The following DENND1A variants were observed in gnomAD, a reference collection of about 807,000 sequenced individuals.
DENND1A encodes DENN domain-containing protein 1A.
DENND1A carries 51 observed loss-of-function variants against 113.7 expected under a neutral mutation model. The observed-to-expected ratio is 0.45, with a 90% confidence interval of 0.36 to 0.57. The LOEUF is 0.57. Among genes scored for constraint, DENND1A ranks in the 20% least tolerant of loss-of-function variants. DENND1A has a pLI of 0.00. For missense variants in DENND1A, 1,258 were observed against 1,395.9 expected (o/e 0.90, Z 1.57); for synonymous variants, 565 against 570.8 (o/e 0.99, Z 0.14).
chr9:123,684,710 T>G (rs991816935), intron 5 of DENND1A, among the ~76,000 whole-genome samples: 1 of 152,178 alleles, frequency 6.6e-6, no homozygotes, highest in African/African-American at 2.4e-5. Flanking sequence ...CATCACACAT[T>G]TCTAGATGAT....
intron 13 of DENND1A, among the ~76,000 whole-genome samples, chr9:123,463,209 G>A (rs1416264786): frequency 6.6e-6 from 1 of 152,182 alleles, no homozygotes; most frequent in Non-Finnish European, 1.5e-5. Flanking sequence ...TTCCAAGTAT[G>A]ACCTGAAGGA....
chr9:123,554,785 C>T (rs1460014182), intron 13 of DENND1A, among the ~76,000 whole-genome samples: 4 of 152,200 alleles, frequency 2.6e-5, no homozygotes, highest in Admixed American at 1.3e-4. Context: ...ATTGGCACCA[C>T]TCTTTTCCCT....
chr9:123,385,480 A>T (rs1472428107), intron 22 of DENND1A, among the ~76,000 whole-genome samples: 1 of 152,062 alleles, frequency 6.6e-6, no homozygotes, highest in Non-Finnish European at 1.5e-5. Context: ...ACCTCTTCTA[A>T]CCCCAAGTCT....
At chr9:123,525,009 C>A (rs566034438) in intron 13 of DENND1A, among the ~76,000 whole-genome samples, 1 of 152,210 alleles carries the variant, frequency 6.6e-6, no homozygotes, top group Admixed American at 6.5e-5. Context: ...TACCTCTTAT[C>A]GCTAAGGCGT....
In DENND1A at chr9:123,930,077, G is replaced by A. The variant is rs930356630; in HGVS notation, c.-172C>T. ...CTCGCCGCCGCCGCCGCCTCCAGGG[G>A]TTAATGTACTCGCTCCAGCCCGGCG... is the stretch of plus-strand genomic sequence containing the variant. On this transcript the variant is annotated 5_prime_UTR_variant, in exon 1 of 24. Coordinates refer to ENST00000394215, the MANE Select transcript of DENND1A (RefSeq NM_001352964.2). 14 of 207,822 alleles carry A rather than the reference G, an allele frequency of 6.7e-5. No individual in the cohort carries two copies. The highest frequency in any genetic ancestry group is 1.0e-4 in the Non-Finnish European group (11 of 105,640). The allele number at this position is 207,822 out of a possible 1,614,324, so 12.9% of individuals were successfully genotyped here.
chr9:123,689,791 G>A (rs1589677837), intron 5 of DENND1A, among the ~76,000 whole-genome samples: 1 of 151,864 alleles, frequency 6.6e-6, no homozygotes, highest in South Asian at 2.1e-4. Context: ...GCAACATGGG[G>A]AAACCCTGTC....
rs569741311 is a variant in DENND1A at position 123,723,502 on chromosome 9, G to T, written c.302+34201C>A. ...TCCCACCCAAATCTCATCTTTAACT[G>T]TAACTCCCACAGTTCCCATGTGTCA... is the stretch of plus-strand genomic sequence containing the variant. On this transcript the variant is annotated intron_variant, in intron 5 of 23. Transcript: ENST00000394215. 1.0e-3 allele frequency among the ~76,000 whole-genome samples: 153 copies of T among 152,268 alleles called. 1 individual carries two copies. Among genetic ancestry groups the T allele is most frequent in the African/African-American group, 3.5e-3 (147 of 41,552 alleles).
chr9:123,929,958 C>A lies in DENND1A; in HGVS notation c.-53G>T, dbSNP rs1181956455. On this transcript the variant is annotated 5_prime_UTR_variant, in exon 1 of 24. Coordinates refer to ENST00000394215, the MANE Select transcript of DENND1A (RefSeq NM_001352964.2). ...GGGCCCCGCTCGGCGCTGCGCTGCC[C>A]GCCCGCCCGCGGCCGACCGGCCTCC... 8 of 297,978 alleles carry A rather than the reference C, an allele frequency of 2.7e-5. No individual in the cohort carries two copies. The highest frequency in any genetic ancestry group is 4.2e-5 in the Non-Finnish European group (7 of 164,954). The allele number at this position is 297,978 out of a possible 1,614,324, so 18.5% of individuals were successfully genotyped here. A position where few individuals can be genotyped will look rare whatever the true frequency, so the allele number is the denominator to read the frequency against.
chr9:123,421,185 A>G (rs2131808586), intron 19 of DENND1A, among the ~76,000 whole-genome samples: 1 of 150,902 alleles, frequency 6.6e-6, no homozygotes, highest in Middle Eastern at 3.4e-3. Context: ...CTCTGGGGCT[A>G]CTATTTTCTG....
intron 5 of DENND1A, among the ~76,000 whole-genome samples, chr9:123,688,277 A>C (rs1224574492): frequency 6.6e-6 from 1 of 152,152 alleles, no homozygotes; most frequent in Non-Finnish European, 1.5e-5. Flanking sequence ...TCTGGAAAAA[A>C]ATCCCTGGGA....
In DENND1A at chr9:123,792,627, G is replaced by C; in HGVS notation, c.92C>G (p.Pro31Arg). 1.2e-6 allele frequency: 2 copies of C among 1,612,886 alleles called. No homozygotes were observed. The highest frequency in any genetic ancestry group is 8.5e-7 in the Non-Finnish European group (1 of 1,179,354). ...CTCCGGGAATTGCCTCTGCACCTCA[G>C]GATCTGTAAATAATTGACAGATAAT... ...YPRTGGTLSD[P>R]EVQRQFPEDY... is the part of the protein sequence containing the mutation. Residue 31 changes from proline (P) to arginine (R), a missense_variant, in exon 3 of 24, where the codon CCT becomes CGT. Transcript: ENST00000394215.
intron 21 of DENND1A, among the ~76,000 whole-genome samples, chr9:123,396,308 C>T (rs543998990): frequency 6.6e-6 from 1 of 152,356 alleles, no homozygotes; most frequent in East Asian, 1.9e-4. Flanking sequence ...GAGGCTGACT[C>T]AGGCCTGTTG....
At chr9:123,674,072 T>C (rs1465364885) in intron 6 of DENND1A, among the ~76,000 whole-genome samples, 1 of 152,130 alleles carries the variant, frequency 6.6e-6, no homozygotes. Flanking sequence ...TAGATCCTAT[T>C]TGAGTTCTGA....
At chr9:123,637,331 T>C (rs1475583372) in intron 9 of DENND1A, among the ~76,000 whole-genome samples, 1 of 152,210 alleles carries the variant, frequency 6.6e-6, no homozygotes, top group Non-Finnish European at 1.5e-5. Flanking sequence ...CTGTAGAAAA[T>C]GCTGTGTGTC....
intron 19 of DENND1A, among the ~76,000 whole-genome samples, chr9:123,417,885 T>TG (rs113918463): frequency 0.038 from 5,119 of 133,738 alleles, 119 homozygotes; most frequent in Non-Finnish European, 0.049. Context: ...TGCCATAGAT[T>TG]GGGGGGGGGG....
chr9:123,620,019 C>T (rs1416595239), intron 10 of DENND1A, among the ~76,000 whole-genome samples: 1 of 151,672 alleles, frequency 6.6e-6, no homozygotes, highest in East Asian at 1.9e-4. Flanking sequence ...TTGAGACCAG[C>T]CTGACCAACA....
chr9:123,430,132 A>T (rs934763279), intron 19 of DENND1A, among the ~76,000 whole-genome samples: 1 of 152,262 alleles, frequency 6.6e-6, no homozygotes, highest in Non-Finnish European at 1.5e-5. Context: ...TCAAAACCAC[A>T]ATGAGATACC....
intron 5 of DENND1A, among the ~76,000 whole-genome samples, chr9:123,718,967 T>C (rs551372624): frequency 6.6e-6 from 1 of 152,240 alleles, no homozygotes; most frequent in East Asian, 1.9e-4. Flanking sequence ...CCCATACTGT[T>C]CTCGTGGTAG....
In DENND1A at chr9:123,928,647, C is replaced by CG. The variant is rs1274486126; in HGVS notation, c.17+1241dup. On this transcript the variant is annotated intron_variant, in intron 1 of 23. Transcript: ENST00000394215. ...AGCAGATGTCTCAAGGCTGCTGCAG[C>CG]GCATCTCATACATATTTTGTAAATG... is the stretch of plus-strand genomic sequence containing the variant. The CG allele has an allele frequency of 1.1e-5, 11 of 985,284 alleles. No homozygotes were observed. The African/African-American group carries it at 1.9e-4, about 17-fold the overall frequency. The allele number at this position is 985,284 out of a possible 1,614,324, so 61.0% of individuals were successfully genotyped here. A position where few individuals can be genotyped will look rare whatever the true frequency, so the allele number is the denominator to read the frequency against.
Sources: allele counts gnomAD v4.1 joint callset (sites outside exome capture counted in the v4.1 genomes callset), GRCh38; gene constraint gnomAD v4.1.1; transcripts MANE v1.5; gene names NCBI Gene and HGNC (gene_info 2026-07-23, HGNC 2026-07-21).